RAI14: variants seen among roughly 807,000 people sequenced by gnomAD.
RAI14 encodes retinoic acid induced 14, also known as ankycorbin.
RAI14 carries 45 observed loss-of-function variants against 115.4 expected under a neutral mutation model. That is an observed-to-expected ratio of 0.39 (90% confidence interval 0.31 to 0.50). The LOEUF (loss-of-function observed/expected upper bound fraction) is 0.50, where lower values mean the gene tolerates loss of function less well. Among genes scored for constraint, RAI14 ranks in the 20% least tolerant of loss-of-function variants. The probability of loss-of-function intolerance (pLI) is 0.85; values close to 1 mark genes in which losing one functional copy is unlikely to be tolerated. For synonymous variants in RAI14, 371 were observed against 415.4 expected, an observed-to-expected ratio of 0.89 and a Z score of 1.30; for missense variants, 939 against 1,131.2, an observed-to-expected ratio of 0.83 and a Z score of 2.44.
chr5:34,824,143 G>A lies in RAI14; in HGVS notation c.2301G>A (p.Lys767=), dbSNP rs758813534. The part of the protein sequence containing the change: ...HLASKEVEVA[K]LEKQLLEEKA... ...CAAGCAAGGAAGTGGAAGTAGCAAA[G>A]CTGGAGAAACAACTCTTAGAAGAGA... The change falls in exon 15 of 18, where the codon AAG becomes AAA. Residue 767 remains lysine (K), a synonymous_variant. Coordinates refer to ENST00000265109, the MANE Select transcript of RAI14 (RefSeq NM_015577.3). The A allele has an allele frequency of 6.2e-7, 1 of 1,614,022 alleles. No individual in the cohort carries two copies. Among genetic ancestry groups the A allele is most frequent in the Non-Finnish European group, 8.5e-7 (1 of 1,179,942 alleles).
chr5:34,688,943 T>G (rs1334525867), intron 2 of RAI14, among the ~76,000 whole-genome samples: 1 of 152,212 alleles, frequency 6.6e-6, no homozygotes, highest in African/African-American at 2.4e-5. Flanking sequence ...GGTATTACTA[T>G]TAAGCTCATT....
chr5:34,822,828 C>T lies in RAI14; in HGVS notation c.1114-128C>T, dbSNP rs529231636. On this transcript the variant is annotated intron_variant, in intron 14 of 17. Coordinates refer to ENST00000265109, the MANE Select transcript of RAI14 (RefSeq NM_015577.3). ...CCTCCCGAGTAGCTGGGATCACAGG[C>T]GCCCGCCACCACGCCCGGCTAATTT... 66 of 749,498 alleles carry T rather than the reference C, an allele frequency of 8.8e-5. No individual in the cohort carries two copies. In the East Asian group the frequency reaches 1.1e-3, roughly 13 times the overall value. The allele number at this position is 749,498 out of a possible 1,614,324, so 46.4% of individuals were successfully genotyped here.
At chr5:34,663,304 C>T (rs1030519488) in intron 1 of RAI14, among the ~76,000 whole-genome samples, 3 of 151,870 alleles carry the variant, frequency 2.0e-5, no homozygotes, top group Admixed American at 6.6e-5. Context: ...TCACTTAAGC[C>T]CAGGAGTTAA....
intron 2 of RAI14, among the ~76,000 whole-genome samples, chr5:34,746,876 TG>T (rs201018618): frequency 6.6e-6 from 1 of 152,152 alleles, no homozygotes. Context: ...AATTGAATCA[TG>T]GGGGCTGGTC....
chr5:34,802,915 A>G (rs144374058), intron 4 of RAI14, among the ~76,000 whole-genome samples: 43 of 152,290 alleles, frequency 2.8e-4, no homozygotes, highest in African/African-American at 9.9e-4. Context: ...ATTTCCATTC[A>G]GGGCTGGAGT....
rs1757157169 is a variant in RAI14 at position 34,823,767 on chromosome 5, A to G, written c.1925A>G (p.Asn642Ser). 5.0e-6 allele frequency: 8 copies of G among 1,614,140 alleles called. No homozygotes were observed. Among genetic ancestry groups the G allele is most frequent in the South Asian group, 1.1e-5 (1 of 91,092 alleles). The change falls in exon 15 of 18, where the codon AAT becomes AGT. Residue 642 changes from asparagine to serine, a missense_variant. Transcript: ENST00000265109. This position sits in a 1 kb window ranked among gnomAD's most constrained non-coding sequence, Gnocchi z 4.5. Reference sequence around the variant, plus strand: ...ATGAATAGGATGATAGATGAACTCAATAAACAGGTGAGCGAGCTGTCACAG... The same window carrying G: ...ATGAATAGGATGATAGATGAACTCAGTAAACAGGTGAGCGAGCTGTCACAG... Reference protein sequence around the residue: ...EAMNRMIDELNKQVSELSQLY... With the variant: ...EAMNRMIDELSKQVSELSQLY...
chr5:34,696,703 T>G (rs967943219), intron 2 of RAI14, among the ~76,000 whole-genome samples: 9 of 152,238 alleles, frequency 5.9e-5, no homozygotes, highest in African/African-American at 2.2e-4. Context: ...CCTTAGTGAC[T>G]TTTACAGTTT....
chr5:34,764,961 T>C (rs910637602), intron 3 of RAI14, among the ~76,000 whole-genome samples: 6 of 152,178 alleles, frequency 3.9e-5, no homozygotes, highest in African/African-American at 1.4e-4. Flanking sequence ...GGGGGCAGTT[T>C]CCCCCATACT....
chr5:34,730,720 C>A (rs10461946), intron 2 of RAI14, among the ~76,000 whole-genome samples: 37,566 of 152,084 alleles, frequency 0.25, 4,874 homozygotes, highest in African/African-American at 0.34. Flanking sequence ...TGGTGGCCCA[C>A]GCCTGTTATC....
At chr5:34,673,846 G>C (rs1743788153) in intron 1 of RAI14, among the ~76,000 whole-genome samples, 1 of 152,182 alleles carries the variant, frequency 6.6e-6, no homozygotes, top group Non-Finnish European at 1.5e-5. Context: ...ACCCAGAGAG[G>C]AAGGTCTACC....
intron 1 of RAI14, among the ~76,000 whole-genome samples, chr5:34,684,328 G>A (rs1301636382): frequency 6.6e-6 from 1 of 152,196 alleles, no homozygotes; most frequent in Admixed American, 6.6e-5. Flanking sequence ...TAGGACAGGG[G>A]CTAAAAGATT....
At chr5:34,696,287 G>A (rs1461338682) in intron 2 of RAI14, among the ~76,000 whole-genome samples, 1 of 152,056 alleles carries the variant, frequency 6.6e-6, no homozygotes, top group African/African-American at 2.4e-5. Flanking sequence ...ACAGGTGCCT[G>A]CCACCACGCC....
At chr5:34,783,540 G>T (rs999943959) in intron 3 of RAI14, among the ~76,000 whole-genome samples, 1 of 152,124 alleles carries the variant, frequency 6.6e-6, no homozygotes, top group African/African-American at 2.4e-5. Flanking sequence ...CAAACCAGTT[G>T]TTCTGCTTCT....
intron 2 of RAI14, among the ~76,000 whole-genome samples, chr5:34,746,166 C>T (rs1322300284): frequency 2.1e-5 from 3 of 140,708 alleles, no homozygotes; most frequent in African/African-American, 7.9e-5. Context: ...AGTGCAGCTG[C>T]GCGATCCTGG....
At chr5:34,704,049 T>G (rs2149939734) in intron 2 of RAI14, among the ~76,000 whole-genome samples, 1 of 152,342 alleles carries the variant, frequency 6.6e-6, no homozygotes, top group South Asian at 2.1e-4. Context: ...TCTGAAATTC[T>G]GGAAGTGCGG....
At chr5:34,667,905 T>G (rs1743337626) in intron 1 of RAI14, among the ~76,000 whole-genome samples, 1 of 152,190 alleles carries the variant, frequency 6.6e-6, no homozygotes, top group South Asian at 2.1e-4. Context: ...ACAAGAATGC[T>G]CAAGTAATTT....
chr5:34,670,072 G>A (rs535280093), intron 1 of RAI14, among the ~76,000 whole-genome samples: 17 of 152,316 alleles, frequency 1.1e-4, no homozygotes, highest in African/African-American at 3.8e-4. Flanking sequence ...GGGTGCGTGA[G>A]GACACACAGC....
chr5:34,674,754 A>ATTTTTGTATTT (rs912643005), intron 1 of RAI14, among the ~76,000 whole-genome samples: 2 of 151,716 alleles, frequency 1.3e-5, no homozygotes, highest in African/African-American at 4.8e-5. Context: ...TGCCTGGCTA[A>ATTTTTGTATTT]TTTTTGTATT....
chr5:34,678,823 G>T (rs1744183696), intron 1 of RAI14, among the ~76,000 whole-genome samples: 2 of 152,166 alleles, frequency 1.3e-5, no homozygotes, highest in South Asian at 4.1e-4. Context: ...CCTCCAGTTT[G>T]TTGCTTCTCC....
Sources: allele counts gnomAD v4.1 joint callset (sites outside exome capture counted in the v4.1 genomes callset), GRCh38; gene constraint gnomAD v4.1.1; non-coding constraint Gnocchi (gnomAD v3.1); transcripts MANE v1.5; gene names NCBI Gene and HGNC (gene_info 2026-07-23, HGNC 2026-07-21).